RNF125: variants seen among roughly 807,000 people sequenced by gnomAD.
RNF125 encodes the protein ring finger protein 125, also known as E3 ubiquitin-protein ligase RNF125.
A neutral mutation model predicts 26.0 loss-of-function variants in RNF125; 21 were observed. The observed-to-expected ratio is 0.81, with a 90% CI of 0.57 to 1.16. RNF125 has a LOEUF of 1.16. Ranked by LOEUF, RNF125 falls within the 50% of genes most tolerant of loss-of-function variation. The pLI is 0.00. For missense variants in RNF125, 270 were observed against 299.4 expected (o/e 0.90, Z 0.72); for synonymous variants, 95 against 109.2 (o/e 0.87, Z 0.81).
At chr18:32,053,045 G>A (rs2039343917) in intron 4 of RNF125, among the ~76,000 whole-genome samples, 1 of 152,184 alleles carries the variant, frequency 6.6e-6, no homozygotes. Flanking sequence ...CTTTAGAAAT[G>A]GAATTCAAGT....
rs530506169 is a variant in RNF125 at position 32,037,056 on chromosome 18, T to C, written c.165-60T>C. The C allele has an allele frequency of 2.0e-4, 294 of 1,443,056 alleles. 3 individuals are homozygous for C. The Middle Eastern group carries it at 5.8e-3, about 29-fold the overall frequency. 89.4% of individuals were successfully genotyped at this position (1,443,056 alleles called of 1,614,324 possible). A position where few individuals can be genotyped will look rare whatever the true frequency, so the allele number is the denominator to read the frequency against. On this transcript the variant is annotated intron_variant, in intron 1 of 5. Coordinates refer to ENST00000217740, the MANE Select transcript of RNF125 (RefSeq NM_017831.4). Reference sequence around the variant, plus strand: ...ATTACAGTTTACACAAATGAATACATGGTGGTGGCTCCTTATAGCTTTCAA... The same window carrying C: ...ATTACAGTTTACACAAATGAATACACGGTGGTGGCTCCTTATAGCTTTCAA...
At chr18:32,063,411 T>C (rs767208981) in intron 4 of RNF125, among the ~76,000 whole-genome samples, 1 of 152,058 alleles carries the variant, frequency 6.6e-6, no homozygotes, top group Non-Finnish European at 1.5e-5. Flanking sequence ...ATAAAAAAAT[T>C]TGGACAATAC....
intron 4 of RNF125, among the ~76,000 whole-genome samples, chr18:32,063,798 A>G (rs553680411): frequency 1.2e-4 from 18 of 152,268 alleles, no homozygotes; most frequent in African/African-American, 4.1e-4. Context: ...GTCATGCTCA[A>G]TGGGAAAAGC....
chr18:32,031,911 TGA>T (rs1491279852), intron 1 of RNF125, among the ~76,000 whole-genome samples: 1 of 151,682 alleles, frequency 6.6e-6, no homozygotes, highest in Non-Finnish European at 1.5e-5. Context: ...CTTTTTTTTT[TGA>T]GAGAGAGAGA....
At chr18:32,040,589 T>C (rs1435452404) in intron 2 of RNF125, among the ~76,000 whole-genome samples, 1 of 152,162 alleles carries the variant, frequency 6.6e-6, no homozygotes, top group Non-Finnish European at 1.5e-5. Flanking sequence ...AACAATTCCT[T>C]ATCTACTTGT....
chr18:32,039,172 C>T (rs9964543), intron 2 of RNF125, among the ~76,000 whole-genome samples: 5,180 of 150,722 alleles, frequency 0.034, 303 homozygotes, highest in African/African-American at 0.12. Flanking sequence ...GAGCCCGAGG[C>T]GGGAGGATTG....
Position 32,072,488 on chromosome 18 carries a change from T to C in RNF125, c.*4104T>C, listed in dbSNP as rs975519130. 5 of 152,212 alleles carry C rather than the reference T, an allele frequency of 3.3e-5. No individual in the cohort carries two copies. Among genetic ancestry groups the C allele is most frequent in the Admixed American group, 1.3e-4 (2 of 15,276 alleles). The allele number at this position is 152,212 out of a possible 1,614,324, so 9.4% of individuals were successfully genotyped here. A position where few individuals can be genotyped will look rare whatever the true frequency, so the allele number is the denominator to read the frequency against. On this transcript the variant is annotated 3_prime_UTR_variant, in exon 6 of 6. Transcript: ENST00000217740. ...AGTCATCTGTCACTATTAACCTCAGTGCAGCAATTCTGACTCCTGTGCCTG... is the reference window on the plus strand; with the variant it reads ...AGTCATCTGTCACTATTAACCTCAGCGCAGCAATTCTGACTCCTGTGCCTG...
At chr18:32,080,374 C>T in the RNF125 span, among the ~76,000 whole-genome samples, 4 of 152,244 alleles carry the variant, frequency 2.6e-5, no homozygotes, top group East Asian at 1.9e-4. Context: ...TCACTTTGTG[C>T]CTTTGAAACA....
intron 1 of RNF125, chr18:32,031,485 GGAAAA>G (rs1201659203): frequency 1.7e-3 from 38 of 22,210 alleles, no homozygotes; most frequent in Non-Finnish European, 3.0e-3. Context: ...TCAAATTGTG[GGAAAA>G]AAAAAAAAAA....
rs112797591 is a variant in RNF125, at chr18:32,060,596, A to G, written c.505-5306A>G. 1.2e-3 allele frequency among the ~76,000 whole-genome samples: 188 copies of G among 152,316 alleles called. 1 individual carries two copies. The highest frequency in any genetic ancestry group is 4.4e-3 in the African/African-American group (181 of 41,572). On this transcript the variant is annotated intron_variant, in intron 4 of 5. Coordinates refer to ENST00000217740, the MANE Select transcript of RNF125 (RefSeq NM_017831.4). The stretch of plus-strand genomic sequence containing the variant: ...TGGGAGCATTGAGTAGAGACAAGTA[A>G]GAAAGGATGAGCTGATGTTAGGAAA...
At chr18:32,033,154 G>A (rs1374224379) in intron 1 of RNF125, among the ~76,000 whole-genome samples, 1 of 152,160 alleles carries the variant, frequency 6.6e-6, no homozygotes, top group Admixed American at 6.6e-5. Flanking sequence ...ACAGGTGTGT[G>A]GGTTTAACGG....
rs1042941433 is a variant in RNF125, at chr18:32,072,170, C to G, written c.*3786C>G. On this transcript the variant is annotated 3_prime_UTR_variant, in exon 6 of 6. Transcript: ENST00000217740. ...GAGCTATGATCATGCTACTGCCCTC[C>G]AGCCTGGGCAACAGAGCAAGACCCT... 1 of 152,092 alleles carries G rather than the reference C, an allele frequency of 6.6e-6. No homozygotes were observed. The highest frequency in any genetic ancestry group is 2.4e-5 in the African/African-American group (1 of 41,414). 9.4% of individuals were successfully genotyped at this position (152,092 alleles called of 1,614,324 possible). A position where few individuals can be genotyped will look rare whatever the true frequency, so the allele number is the denominator to read the frequency against.
intron 4 of RNF125, among the ~76,000 whole-genome samples, chr18:32,051,990 A>G (rs146913998): frequency 4.6e-5 from 7 of 151,364 alleles, no homozygotes; most frequent in Admixed American, 2.0e-4. Flanking sequence ...GTCCAGCCTG[A>G]GTTCTATATT....
intron 4 of RNF125, among the ~76,000 whole-genome samples, chr18:32,061,777 C>A (rs2039437170): frequency 6.6e-6 from 1 of 152,154 alleles, no homozygotes; most frequent in Non-Finnish European, 1.5e-5. Flanking sequence ...GAGTATGGCA[C>A]TTGATACACT....
downstream of RNF125, chr18:32,075,927 CT>C (rs201467176): frequency 1.8e-3 from 2,714 of 1,512,412 alleles, 39 homozygotes; most frequent in African/African-American, 0.033. Flanking sequence ...GTGTTTTCGT[CT>C]TTGCTTCTTC....
chr18:32,085,363 C>G, the RNF125 span, among the ~76,000 whole-genome samples: 3 of 135,484 alleles, frequency 2.2e-5, no homozygotes, highest in African/African-American at 9.0e-5. Context: ...AATGAAACCA[C>G]TGCCAGAAGC....
chr18:32,087,950 A>G, the RNF125 span, among the ~76,000 whole-genome samples: 2 of 152,114 alleles, frequency 1.3e-5, no homozygotes, highest in African/African-American at 4.8e-5. Context: ...CCACACTTCC[A>G]TCCACAAGTT....
chr18:32,018,863 G>T lies in RNF125; in HGVS notation c.-1G>T, dbSNP rs773621700. The T allele has an allele frequency of 1.3e-6, 2 of 1,572,482 alleles. No individual in the cohort carries two copies. The highest frequency in any genetic ancestry group is 1.2e-5 in the South Asian group (1 of 86,636). On this transcript the variant is annotated 5_prime_UTR_variant, in exon 1 of 6. Transcript: ENST00000217740. Reference sequence around the variant, plus strand: ...CAGCTGTCTGGGCGAGAGGCACAGCGATGGGCTCCGTGCTGAGCACCGACA... The same window carrying T: ...CAGCTGTCTGGGCGAGAGGCACAGCTATGGGCTCCGTGCTGAGCACCGACA...
chr18:32,019,189 C>T, intron 1 of RNF125, among the ~76,000 whole-genome samples, 162 bp downstream of exon 1: 1 of 152,100 alleles, frequency 6.6e-6, no homozygotes, highest in Non-Finnish European at 1.5e-5. Context: ...GGGGAAAACG[C>T]GGGTCGGAAG....
Sources: gnomAD v4.1 joint callset for allele counts (sites outside exome capture counted in the v4.1 genomes callset) on GRCh38, gnomAD v4.1.1 for gene constraint, MANE v1.5 for transcripts, NCBI Gene and HGNC (gene_info 2026-07-23, HGNC 2026-07-21) for gene names.